FBXO11: variants seen among roughly 807,000 people sequenced by gnomAD.
FBXO11 encodes the protein F-box protein 11, also known as F-box only protein 11.
FBXO11 carries 13 observed loss-of-function variants against 117.0 expected under a neutral mutation model. The observed-to-expected ratio is 0.11, with a 90% confidence interval of 0.07 to 0.18. The LOEUF is 0.18. Ranked by LOEUF, FBXO11 falls within the 10% of genes least tolerant of loss-of-function variation. The pLI, the probability that FBXO11 is intolerant of heterozygous loss-of-function variation, is 1.00. For synonymous variants in FBXO11, 490 were observed against 380.5 expected (o/e 1.29, Z -3.35); for missense variants, 767 against 1,164.4 (o/e 0.66, Z 4.97).
Position 47,836,007 on chromosome 2 carries a change from C to T in FBXO11, c.588-6G>A, listed in dbSNP as rs767463168. The T allele has an allele frequency of 1.3e-6, 2 of 1,564,466 alleles. No individual in the cohort carries two copies. The highest frequency in any genetic ancestry group is 1.2e-5 in the South Asian group (1 of 82,818). ...CTTCCATATATAATCGTTTCCTGAA[C>T]AGAGAAAGGAATTAAAATTTTCTTG... On this transcript the variant is annotated splice_polypyrimidine_tract_variant and splice_region_variant and intron_variant, in intron 4 of 22. Coordinates refer to ENST00000403359, the MANE Select transcript of FBXO11 (RefSeq NM_001190274.2).
chr2:47,876,283 T>C (rs980699384), intron 1 of FBXO11, among the ~76,000 whole-genome samples: 2 of 152,224 alleles, frequency 1.3e-5, no homozygotes, highest in African/African-American at 4.8e-5. Context: ...AGAGTTTTGA[T>C]TCTACTTTAA....
intron 16 of FBXO11, 100 bp from the exon 17 acceptor site, chr2:47,813,967 A>G: frequency 1.1e-6 from 1 of 885,662 alleles, no homozygotes; most frequent in East Asian, 2.6e-5. Context: ...TAAGTCACTT[A>G]GTAAGAATTA....
rs1212196166 is a variant in FBXO11, at chr2:47,860,751, GGA to G, written c.233-20984_233-20983del. Among the ~76,000 whole-genome samples the G allele has an allele frequency of 6.7e-5, 10 of 150,180 alleles. No homozygotes were observed. The South Asian group carries it at 1.7e-3, about 25-fold the overall frequency. ...AGGCTAATCAAAACTTTTCCCTGCA[GGA>G]GAGAGAGAGAAAGAAAGTCAAACCA... is the stretch of plus-strand genomic sequence containing the variant. On this transcript the variant is annotated intron_variant, in intron 1 of 22. Transcript: ENST00000403359.
At chr2:47,887,791 G>A (rs1156235893) in intron 1 of FBXO11, among the ~76,000 whole-genome samples, 1 of 152,146 alleles carries the variant, frequency 6.6e-6, no homozygotes, top group African/African-American at 2.4e-5. Flanking sequence ...AGCCTGGGAG[G>A]CAGAGGCTGC....
At chr2:47,899,132 G>A (rs1277943575) in intron 1 of FBXO11, among the ~76,000 whole-genome samples, 1 of 151,940 alleles carries the variant, frequency 6.6e-6, no homozygotes, top group Non-Finnish European at 1.5e-5. Flanking sequence ...AAATTAGCCG[G>A]GCGTGGTGGT....
At chr2:47,809,019 T>A (rs1045088653) in intron 21 of FBXO11, 139 bp downstream of exon 21, 3 of 578,944 alleles carry the variant, frequency 5.2e-6, no homozygotes, top group Admixed American at 6.8e-5. Flanking sequence ...TTAAACACGA[T>A]CTTCAAGTAG....
At chr2:47,839,904 T>C (rs1210438045) in intron 1 of FBXO11, 135 bp from the exon 2 acceptor site, 9 of 677,402 alleles carry the variant, frequency 1.3e-5, no homozygotes, top group Non-Finnish European at 1.9e-5. Context: ...ACCAACTGGA[T>C]AGCTATATGA....
In FBXO11 at chr2:47,807,786, A is replaced by C. The variant is rs879387106; in HGVS notation, c.*332T>G. 1 of 260,500 alleles carries C rather than the reference A, an allele frequency of 3.8e-6. No homozygotes were observed. The highest frequency in any genetic ancestry group is 2.2e-5 in the African/African-American group (1 of 45,842). The allele number at this position is 260,500 out of a possible 1,614,324, so 16.1% of individuals were successfully genotyped here. ...CAAAGCTGCTTGTCTATTGAAGATT[A>C]CTACTGCAAATTGGACTGCATTCAA... On this transcript the variant is annotated 3_prime_UTR_variant, in exon 23 of 23. Transcript: ENST00000403359.
intron 1 of FBXO11, among the ~76,000 whole-genome samples, chr2:47,894,543 A>AT (rs955138513): frequency 3.9e-5 from 6 of 152,116 alleles, no homozygotes; most frequent in African/African-American, 7.2e-5. Flanking sequence ...AGTCCACAGT[A>AT]TTTTTTTAAA....
At chr2:47,826,695 T>C (rs370083891) in intron 11 of FBXO11, among the ~76,000 whole-genome samples, 46 of 152,282 alleles carry the variant, frequency 3.0e-4, no homozygotes, top group African/African-American at 1.1e-3. Flanking sequence ...TTTGGATTTT[T>C]TTCTCCTTTG....
rs1385460161 is a variant in FBXO11 at position 47,906,044 on chromosome 2, G to C, written c.-324C>G. 8.1e-6 allele frequency: 2 copies of C among 246,582 alleles called. No homozygotes were observed. Among genetic ancestry groups the C allele is most frequent in the East Asian group, 1.6e-4 (2 of 12,138 alleles). The allele number at this position is 246,582 out of a possible 1,614,324, so 15.3% of individuals were successfully genotyped here. ...GAGAAAGAAAGAAAGGGCGTCCGCC[G>C]CTTGGGGATCCCGAGGCGAAGCGCG... On this transcript the variant is annotated 5_prime_UTR_variant, in exon 1 of 23. Coordinates refer to ENST00000403359, the MANE Select transcript of FBXO11 (RefSeq NM_001190274.2).
chr2:47,864,302 A>G (rs567440580), intron 1 of FBXO11, among the ~76,000 whole-genome samples: 212 of 152,276 alleles, frequency 1.4e-3, no homozygotes, highest in Non-Finnish European at 2.7e-3. Context: ...TAAAGACAGG[A>G]ATTGGCTGGG....
Position 47,807,520 on chromosome 2 carries a change from A to G in FBXO11, c.*598T>C, listed in dbSNP as rs991221614. On this transcript the variant is annotated 3_prime_UTR_variant, in exon 23 of 23. Coordinates refer to ENST00000403359, the MANE Select transcript of FBXO11 (RefSeq NM_001190274.2). ...TTTCTCTTTCATAGAAAGAACGTAC[A>G]TACTGGGACATGAGTACAGTTACAG... 4.7e-6 allele frequency: 1 copy of G among 210,834 alleles called. No individual in the cohort carries two copies. Among genetic ancestry groups the G allele is most frequent in the African/African-American group, 2.3e-5 (1 of 44,244 alleles). 13.1% of individuals were successfully genotyped at this position (210,834 alleles called of 1,614,324 possible). A position where few individuals can be genotyped will look rare whatever the true frequency, so the allele number is the denominator to read the frequency against.
At chr2:47,825,331 A>C (rs988872361) in intron 11 of FBXO11, among the ~76,000 whole-genome samples, 1 of 152,150 alleles carries the variant, frequency 6.6e-6, no homozygotes, top group Non-Finnish European at 1.5e-5. Context: ...TTCAAATATA[A>C]AACTTTTTCT....
intron 1 of FBXO11, among the ~76,000 whole-genome samples, chr2:47,863,441 G>A (rs1176719119): frequency 6.6e-6 from 1 of 152,124 alleles, no homozygotes; most frequent in Non-Finnish European, 1.5e-5. Flanking sequence ...GAAAACTTAA[G>A]CGAAACCTAT....
chr2:47,837,947 TG>T (rs1216685946), intron 4 of FBXO11, among the ~76,000 whole-genome samples: 3 of 151,532 alleles, frequency 2.0e-5, no homozygotes, highest in Non-Finnish European at 4.4e-5. Flanking sequence ...AAACCTGGGC[TG>T]GGTGCAATGG....
At chr2:47,847,333 G>A (rs1474321330) in intron 1 of FBXO11, among the ~76,000 whole-genome samples, 1 of 152,156 alleles carries the variant, frequency 6.6e-6, no homozygotes, top group Non-Finnish European at 1.5e-5. Context: ...GCATGTTACT[G>A]TACTGTACTG....
chr2:47,904,390 C>G (rs949698320), intron 1 of FBXO11, among the ~76,000 whole-genome samples: 4 of 151,986 alleles, frequency 2.6e-5, no homozygotes, highest in Non-Finnish European at 2.9e-5. Flanking sequence ...GCAACACCCC[C>G]CCTCATAAAC....
chr2:47,839,160 T>C (rs1004535397), intron 3 of FBXO11, among the ~76,000 whole-genome samples, 157 bp from the exon 4 acceptor site: 1 of 152,124 alleles, frequency 6.6e-6, no homozygotes, highest in Non-Finnish European at 1.5e-5. Context: ...TATTTATCTC[T>C]ATCCTGAACT....
Sources: allele counts gnomAD v4.1 joint callset (sites outside exome capture counted in the v4.1 genomes callset), GRCh38; gene constraint gnomAD v4.1.1; transcripts MANE v1.5; gene names NCBI Gene and HGNC (gene_info 2026-07-23, HGNC 2026-07-21).